XPR1: variants seen among roughly 807,000 people sequenced by gnomAD.
XPR1 encodes the protein xenotropic and polytropic retrovirus receptor 1.
XPR1 carries 28 observed loss-of-function variants against 87.5 expected under a neutral mutation model. The ratio of observed to expected loss-of-function variants is 0.32; its 90% CI spans 0.24 to 0.44. XPR1 has a LOEUF of 0.44. Among genes scored for constraint, XPR1 ranks in the 20% least tolerant of loss-of-function variants. The pLI is 1.00. For synonymous variants in XPR1, 300 were observed against 306.1 expected (o/e 0.98, Z 0.21); for missense variants, 559 against 862.3 (o/e 0.65, Z 4.41).
At chr1:180,746,296 G>A (rs1220569706) in intron 2 of XPR1, among the ~76,000 whole-genome samples, 2 of 151,928 alleles carry the variant, frequency 1.3e-5, no homozygotes, top group South Asian at 2.1e-4. Context: ...CTGAGTCTTC[G>A]GTGTCCATTA....
intron 2 of XPR1, among the ~76,000 whole-genome samples, chr1:180,727,752 A>G (rs749400293): frequency 4.6e-5 from 7 of 152,208 alleles, no homozygotes; most frequent in South Asian, 2.1e-4. Context: ...GCCCATTTTT[A>G]TGGTTATTTC....
At chr1:180,636,141 C>T (rs1375311537) in intron 1 of XPR1, among the ~76,000 whole-genome samples, 1 of 152,112 alleles carries the variant, frequency 6.6e-6, no homozygotes, top group Non-Finnish European at 1.5e-5. Flanking sequence ...GAGACATTAC[C>T]ATAACATTAT....
At chr1:180,801,199 A>T (rs1056021068) in intron 3 of XPR1, among the ~76,000 whole-genome samples, 1 of 152,260 alleles carries the variant, frequency 6.6e-6, no homozygotes, top group Non-Finnish European at 1.5e-5. Flanking sequence ...CAATAGATAC[A>T]TCTCTCATGG....
chr1:180,686,074 G>A (rs187667190), intron 2 of XPR1, among the ~76,000 whole-genome samples: 30 of 151,988 alleles, frequency 2.0e-4, no homozygotes, highest in Admixed American at 8.5e-4. Flanking sequence ...TTTAATCGTG[G>A]TGTTAGGGTG....
chr1:180,774,154 C>T (rs1447187282), intron 2 of XPR1, among the ~76,000 whole-genome samples: 1 of 151,908 alleles, frequency 6.6e-6, no homozygotes. Context: ...TGAAATGTCC[C>T]AGAATATAGA....
intron 13 of XPR1, 88 bp from the exon 14 acceptor site, chr1:180,879,974 TTTTTGTTTCCATGA>T: frequency 7.9e-7 from 1 of 1,269,956 alleles, no homozygotes; most frequent in Non-Finnish European, 1.1e-6. Flanking sequence ...TAATTCTTTG[TTTTTGTTTCCATGA>T]GTGGAAACTT....
chr1:180,824,639 A>G (rs984759577), intron 7 of XPR1, 114 bp from the exon 8 acceptor site: 75 of 904,988 alleles, frequency 8.3e-5, no homozygotes, highest in Admixed American at 6.6e-4. Context: ...TTTAGGTTTT[A>G]TTTATGAAAA....
rs1656612940 is a variant in XPR1 at position 180,682,547 on chromosome 1, A to G, written c.121+136A>G. The G allele has an allele frequency of 1.1e-5, 4 of 354,336 alleles. 1 individual carries two copies. Among genetic ancestry groups the G allele is most frequent in the African/African-American group, 8.6e-5 (4 of 46,244 alleles). The allele number at this position is 354,336 out of a possible 1,614,324, so 21.9% of individuals were successfully genotyped here. ...CTTTTTTTCCCTTTTAATAATATAT[A>G]TTATGATTATTTTATATTTTATTCT... On this transcript the variant is annotated intron_variant, in intron 2 of 14. Transcript: ENST00000367590.
At chr1:180,716,289 A>G (rs560772883) in intron 2 of XPR1, among the ~76,000 whole-genome samples, 9 of 151,494 alleles carry the variant, frequency 5.9e-5, no homozygotes, top group East Asian at 5.9e-4. Flanking sequence ...GGGTCTCACT[A>G]TGTTGCCCAG....
chr1:180,861,247 G>GT (rs1308875280), intron 11 of XPR1, among the ~76,000 whole-genome samples: 1 of 151,762 alleles, frequency 6.6e-6, no homozygotes, highest in Admixed American at 6.6e-5. Flanking sequence ...CTTACATTCA[G>GT]TTTTTTTAAG....
At chr1:180,723,050 T>C (rs147938700) in intron 2 of XPR1, among the ~76,000 whole-genome samples, 2 of 152,304 alleles carry the variant, frequency 1.3e-5, no homozygotes, top group East Asian at 1.9e-4. Flanking sequence ...AGCTTTGTCA[T>C]TGAAAAATTT....
chr1:180,762,177 T>A (rs996520321), intron 2 of XPR1, among the ~76,000 whole-genome samples: 1 of 150,906 alleles, frequency 6.6e-6, no homozygotes, highest in Non-Finnish European at 1.5e-5. Flanking sequence ...TGCTGAATGA[T>A]GAGTTAATGG....
chr1:180,827,746 A>T (rs944352213), intron 9 of XPR1, among the ~76,000 whole-genome samples: 2 of 152,158 alleles, frequency 1.3e-5, no homozygotes, highest in Non-Finnish European at 2.9e-5. Flanking sequence ...TTTAAATCTC[A>T]CTGGGAAAAC....
At chr1:180,767,819 A>G (rs1648344854) in intron 2 of XPR1, among the ~76,000 whole-genome samples, 1 of 152,048 alleles carries the variant, frequency 6.6e-6, no homozygotes, top group Non-Finnish European at 1.5e-5. Context: ...TTTTTATATA[A>G]TGAAGGTTTA....
intron 11 of XPR1, among the ~76,000 whole-genome samples, chr1:180,859,940 A>G (rs1037929819): frequency 4.6e-5 from 7 of 152,134 alleles, no homozygotes; most frequent in Non-Finnish European, 7.4e-5. Flanking sequence ...AACAGAAAAT[A>G]TTTGCAGGAA....
At chr1:180,764,103 T>C (rs1000419487) in intron 2 of XPR1, among the ~76,000 whole-genome samples, 1 of 152,202 alleles carries the variant, frequency 6.6e-6, no homozygotes, top group Non-Finnish European at 1.5e-5. Context: ...AGTGTATAAA[T>C]TCAAAGTTGG....
At chr1:180,874,029 G>C in intron 13 of XPR1, 87 bp downstream of exon 13, 1 of 1,387,388 alleles carries the variant, frequency 7.2e-7, no homozygotes, top group South Asian at 1.5e-5. Flanking sequence ...ATTATAACTT[G>C]TACTTGAAAA....
intron 3 of XPR1, 32 bp from the exon 4 acceptor site, chr1:180,803,356 C>T: frequency 1.3e-6 from 2 of 1,576,408 alleles, no homozygotes; most frequent in Non-Finnish European, 1.7e-6. Context: ...TTTTATCTTA[C>T]TGATTTGACA....
intron 11 of XPR1, among the ~76,000 whole-genome samples, chr1:180,857,990 G>A (rs1652091328): frequency 6.6e-6 from 1 of 152,192 alleles, no homozygotes. Context: ...GCCGAGGCAG[G>A]CAGATCACCT....
Sources: gnomAD v4.1 joint callset for allele counts (sites outside exome capture counted in the v4.1 genomes callset) on GRCh38, gnomAD v4.1.1 for gene constraint, MANE v1.5 for transcripts, NCBI Gene and HGNC (gene_info 2026-07-23, HGNC 2026-07-21) for gene names.